The following EIF4E2 variants were observed in gnomAD, a reference collection of about 807,000 sequenced individuals.
EIF4E2 encodes eukaryotic translation initiation factor 4E type 2.
A neutral mutation model predicts 34.2 loss-of-function variants in EIF4E2; 13 were observed. The observed-to-expected ratio is 0.38, with a 90% confidence interval of 0.25 to 0.60. The LOEUF (loss-of-function observed/expected upper bound fraction) is 0.60. Ranked by LOEUF, EIF4E2 falls within the 20% of genes least tolerant of loss-of-function variation. The pLI, the probability that EIF4E2 is intolerant of heterozygous loss-of-function variation, is 0.62. For missense variants in EIF4E2, 222 were observed against 315.1 expected (o/e 0.70, Z 2.24); for synonymous variants, 100 against 106.6 (o/e 0.94, Z 0.38).
At chr2:232,559,524 G>T (rs904658381) in intron 3 of EIF4E2, among the ~76,000 whole-genome samples, 2 of 152,058 alleles carry the variant, frequency 1.3e-5, no homozygotes, top group African/African-American at 4.8e-5. Context: ...AAGGAGGAAG[G>T]ACATATAATA....
In EIF4E2 at chr2:232,566,592, A is replaced by G. The variant is rs1006409889; in HGVS notation, c.376-237A>G. Among the ~76,000 whole-genome samples, 6 of 152,224 alleles carry G rather than the reference A, an allele frequency of 3.9e-5. No individual in the cohort carries two copies. The highest frequency in any genetic ancestry group is 1.4e-4 in the African/African-American group (6 of 41,456). On this transcript the variant is annotated intron_variant, in intron 4 of 6. Coordinates refer to ENST00000258416, the MANE Select transcript of EIF4E2 (RefSeq NM_004846.4). This position sits in a 1 kb window ranked among gnomAD's most constrained non-coding sequence, Gnocchi z 4.9. The stretch of plus-strand genomic sequence containing the variant: ...ATTTCCAGTAAAGGGGATTATTTTT[A>G]AAAGGTCTGTTTAGCCATTTTAATA...
chr2:232,569,411 T>C (rs553139792), downstream of EIF4E2, among the ~76,000 whole-genome samples: 23 of 152,298 alleles, frequency 1.5e-4, no homozygotes, highest in African/African-American at 5.5e-4. Context: ...AGGTGACATC[T>C]AGCTTAGAAA....
chr2:232,581,394 CTT>C lies in EIF4E2; in HGVS notation c.*452_*453del. On this transcript the variant is annotated 3_prime_UTR_variant, in exon 7 of 7. Coordinates refer to the EIF4E2 transcript ENST00000409098. The surrounding 1 kb of genome is among the most constrained non-coding windows in gnomAD (Gnocchi z 5.2). ...GTCCCAAAATAGCTGTAAATGCTCT[CTT>C]CTAGCTCTGCCATTAAATTATTGGG... The C allele has an allele frequency of 3.1e-6, 1 of 317,492 alleles. No individual in the cohort carries two copies. The highest frequency in any genetic ancestry group is 6.1e-6 in the Non-Finnish European group (1 of 163,834). The allele number at this position is 317,492 out of a possible 1,614,324, so 19.7% of individuals were successfully genotyped here.
At position 232,566,249 on chromosome 2, in the gene EIF4E2, C is replaced by T. The variant is rs1033282955; in HGVS notation, c.376-580C>T. ...TTTCCCAGGCGGGAGTGCAGTGGCA[C>T]GATCTCGGCTCCCTGCAAGCTCTGC... On this transcript the variant is annotated intron_variant, in intron 4 of 6. Transcript: ENST00000258416. This position sits in a 1 kb window ranked among gnomAD's most constrained non-coding sequence, Gnocchi z 4.9. 6.6e-5 allele frequency among the ~76,000 whole-genome samples: 10 copies of T among 152,174 alleles called. No homozygotes were observed. Among genetic ancestry groups the T allele is most frequent in the Admixed American group, 2.0e-4 (3 of 15,288 alleles).
chr2:232,578,896 C>A (rs1303157148), intron 6 of EIF4E2, among the ~76,000 whole-genome samples: 1 of 152,072 alleles, frequency 6.6e-6, no homozygotes, highest in Non-Finnish European at 1.5e-5. Flanking sequence ...TTCCCATATC[C>A]CTGCCTTTCT....
chr2:232,575,205 A>G (rs1376752227), intron 6 of EIF4E2, among the ~76,000 whole-genome samples: 2 of 86,678 alleles, frequency 2.3e-5, no homozygotes, highest in African/African-American at 7.7e-5. Context: ...CCCTAGAAGG[A>G]GACGAGCGTT....
rs1285841742 is a variant in EIF4E2, at chr2:232,566,358, G to GT, written c.376-466dup. On this transcript the variant is annotated intron_variant, in intron 4 of 6. Transcript: ENST00000258416. The surrounding 1 kb of genome is among the most constrained non-coding windows in gnomAD (Gnocchi z 4.9). ...CCCACCACCATGCCCGGCTAATTTTGTTTTTGTATTTTTAGTAGAGACGCG... is the reference window on the plus strand; with the variant it reads ...CCCACCACCATGCCCGGCTAATTTTGTTTTTTGTATTTTTAGTAGAGACGCG... Among the ~76,000 whole-genome samples, 2 of 151,950 alleles carry GT rather than the reference G, an allele frequency of 1.3e-5. No individual in the cohort carries two copies. Among genetic ancestry groups the GT allele is most frequent in the Non-Finnish European group, 2.9e-5 (2 of 67,954 alleles).
Position 232,581,757 on chromosome 2 carries a change from CTG to C in EIF4E2, c.*820_*821del, listed in dbSNP as rs1271118223. The C allele has an allele frequency of 6.5e-6, 1 of 152,926 alleles. No homozygotes were observed. The highest frequency in any genetic ancestry group is 1.5e-5 in the Non-Finnish European group (1 of 68,642). 9.5% of individuals were successfully genotyped at this position (152,926 alleles called of 1,614,324 possible). On this transcript the variant is annotated 3_prime_UTR_variant, in exon 7 of 7. Transcript: ENST00000409098. The surrounding 1 kb of genome is among the most constrained non-coding windows in gnomAD (Gnocchi z 5.2). Reference sequence around the variant, plus strand: ...AATCATTTTCCCATATGAGCAGACCCTGTGTGTCAGGCCTGTTTCCCATATGA... The same window carrying C: ...AATCATTTTCCCATATGAGCAGACCCTGTGTCAGGCCTGTTTCCCATATGA...
intron 6 of EIF4E2, chr2:232,567,429 C>A: frequency 7.4e-7 from 1 of 1,355,468 alleles, no homozygotes; most frequent in Non-Finnish European, 9.5e-7. Flanking sequence ...CAGAGAGAGC[C>A]CATCTGCAGA....
At chr2:232,567,460 G>T in intron 6 of EIF4E2, 1 of 1,300,728 alleles carries the variant, frequency 7.7e-7, no homozygotes, top group Non-Finnish European at 9.7e-7. Context: ...TACTACCTGG[G>T]CTTGCTTAAT....
chr2:232,556,451 A>G lies in EIF4E2; in HGVS notation c.56A>G (p.Asn19Ser). ...GATGACAGTGGGGACCATGATCAGA[A>G]TGAAGAAAACAGCACACAGAAAGAT... Reference protein sequence around the residue: ...KDDDSGDHDQNEENSTQKDGE... With the variant: ...KDDDSGDHDQSEENSTQKDGE... Residue 19 changes from asparagine (N) to serine (S), a missense_variant, in exon 2 of 7, where the codon AAT (asparagine) becomes AGT (serine). Coordinates refer to ENST00000258416, the MANE Select transcript of EIF4E2 (RefSeq NM_004846.4). 1 of 1,613,986 alleles carries G rather than the reference A, an allele frequency of 6.2e-7. No homozygotes were observed. The highest frequency in any genetic ancestry group is 2.2e-5 in the East Asian group (1 of 44,880).
At chr2:232,577,714 A>G (rs1413660856) in intron 6 of EIF4E2, among the ~76,000 whole-genome samples, 1 of 152,216 alleles carries the variant, frequency 6.6e-6, no homozygotes, top group Non-Finnish European at 1.5e-5. Context: ...ACAAAGGAAC[A>G]TCTGGTAGAG....
downstream of EIF4E2, among the ~76,000 whole-genome samples, chr2:232,572,356 TTTTTG>T (rs960590492): frequency 1.3e-5 from 2 of 152,038 alleles, no homozygotes; most frequent in Non-Finnish European, 2.9e-5. Flanking sequence ...GAAATTTCTT[TTTTTG>T]TTTTGTTTTG....
intron 3 of EIF4E2, among the ~76,000 whole-genome samples, chr2:232,562,347 A>G (rs2573216): frequency 0.31 from 46,487 of 152,148 alleles, 7,642 homozygotes; most frequent in Admixed American, 0.41. Context: ...TTGGAAGGCC[A>G]AGGCAGGTGG....
exon 7 of EIF4E2, chr2:232,580,979 T>G: frequency 6.5e-7 from 1 of 1,546,044 alleles, no homozygotes; most frequent in Non-Finnish European, 8.7e-7. Flanking sequence ...TTTCTGTATG[T>G]GTGTGTTTGT....
intron 3 of EIF4E2, among the ~76,000 whole-genome samples, chr2:232,563,446 G>T: frequency 6.6e-6 from 1 of 151,584 alleles, no homozygotes; most frequent in Non-Finnish European, 1.5e-5. Flanking sequence ...CAGGACTACT[G>T]TGATGAATAC....
downstream of EIF4E2, among the ~76,000 whole-genome samples, chr2:232,572,928 A>G (rs1693126818): frequency 6.6e-6 from 1 of 152,242 alleles, no homozygotes; most frequent in Non-Finnish European, 1.5e-5. Flanking sequence ...TTAAAAAGGA[A>G]TTTAAATCTC....
chr2:232,556,618 T>A, intron 2 of EIF4E2, 88 bp downstream of exon 2: 1 of 911,136 alleles, frequency 1.1e-6, no homozygotes, highest in Non-Finnish European at 1.7e-6. Context: ...GATACCAGAT[T>A]AACTTGATGG....
rs368640230 is a variant in EIF4E2, at chr2:232,556,018, G to T, written c.21-398G>T. On this transcript the variant is annotated intron_variant, in intron 1 of 6. Coordinates refer to ENST00000258416, the MANE Select transcript of EIF4E2 (RefSeq NM_004846.4). ...AGTAGTGACAGTGAGTGTAGAAGAG[G>T]TGGTAAGGAGAAGTGGCAAAGCAGA... 2.2e-3 allele frequency among the ~76,000 whole-genome samples: 329 copies of T among 152,282 alleles called. 2 individuals are homozygous for T. Among genetic ancestry groups the T allele is most frequent in the African/African-American group, 7.2e-3 (299 of 41,558 alleles).
Sources: allele counts gnomAD v4.1 joint callset (sites outside exome capture counted in the v4.1 genomes callset), GRCh38; gene constraint gnomAD v4.1.1; non-coding constraint Gnocchi (gnomAD v3.1); transcripts MANE v1.5; gene names NCBI Gene and HGNC (gene_info 2026-07-23, HGNC 2026-07-21).